The following SLC4A4 variants were observed in gnomAD, a reference collection of about 807,000 sequenced individuals.
SLC4A4 encodes the protein electrogenic sodium bicarbonate cotransporter 1.
In SLC4A4, 27 loss-of-function variants were observed where a neutral mutation model predicts 111.5. The ratio of observed to expected loss-of-function variants is 0.24; its 90% CI spans 0.18 to 0.33. The LOEUF is 0.33. Ranked by LOEUF, SLC4A4 falls within the 10% of genes least tolerant of loss-of-function variation. The pLI, the probability that SLC4A4 is intolerant of heterozygous loss-of-function variation, is 1.00. For synonymous variants in SLC4A4, 443 were observed against 463.4 expected (o/e 0.96, Z 0.57); for missense variants, 909 against 1,315.5 (o/e 0.69, Z 4.78).
intron 18 of SLC4A4, among the ~76,000 whole-genome samples, chr4:71,535,098 G>A (rs1487463435): frequency 1.8e-4 from 27 of 152,024 alleles, no homozygotes; most frequent in Non-Finnish European, 1.5e-5. Flanking sequence ...ACAATAATAA[G>A]AGCTATTATT....
chr4:71,520,259 C>T (rs1732805383), intron 16 of SLC4A4, among the ~76,000 whole-genome samples: 1 of 152,148 alleles, frequency 6.6e-6, no homozygotes, highest in Non-Finnish European at 1.5e-5. Flanking sequence ...TCTCCTTTAG[C>T]TTACACAGTC....
In SLC4A4 at chr4:71,171,590, TC is replaced by T. The variant is rs1183409795; in HGVS notation, c.-1-64985del. 3.3e-5 allele frequency among the ~76,000 whole-genome samples: 5 copies of T among 152,358 alleles called. No individual in the cohort carries two copies. In the East Asian group the frequency reaches 5.8e-4, roughly 18 times the overall value. ...TTAATGATTGAATGCAGCATTGAATTCATTTGCTTAAACTTTTTTAGTATTA... is the reference window on the plus strand; with the variant it reads ...TTAATGATTGAATGCAGCATTGAATTATTTGCTTAAACTTTTTTAGTATTA... On this transcript the variant is annotated intron_variant, in intron 2 of 26. Coordinates refer to the SLC4A4 transcript ENST00000649996.
chr4:71,390,521 A>G (rs1051635998), intron 6 of SLC4A4, among the ~76,000 whole-genome samples: 1 of 152,124 alleles, frequency 6.6e-6, no homozygotes, highest in African/African-American at 2.4e-5. Context: ...TTTAATTAGA[A>G]TGGCAAACAG....
chr4:71,319,114 A>G (rs1025466766), intron 3 of SLC4A4, among the ~76,000 whole-genome samples: 5 of 152,026 alleles, frequency 3.3e-5, no homozygotes, highest in African/African-American at 4.8e-5. Context: ...ATGGATATCA[A>G]TAGGATCTGT....
At chr4:71,120,665 C>T (rs550106410) in intron 2 of SLC4A4, among the ~76,000 whole-genome samples, 4 of 152,278 alleles carry the variant, frequency 2.6e-5, no homozygotes, top group Admixed American at 2.0e-4. Flanking sequence ...GTCAGAAGTT[C>T]GAGACCAGCC....
intron 2 of SLC4A4, among the ~76,000 whole-genome samples, chr4:71,098,219 G>T (rs534034207): frequency 6.6e-6 from 1 of 152,226 alleles, no homozygotes; most frequent in South Asian, 2.1e-4. Context: ...TAAGGAAAGG[G>T]TCCAGTTTCA....
chr4:71,525,260 C>T (rs925098581), intron 16 of SLC4A4, among the ~76,000 whole-genome samples: 1 of 152,086 alleles, frequency 6.6e-6, no homozygotes, highest in Non-Finnish European at 1.5e-5. Flanking sequence ...AAGCTGCTGG[C>T]TTCTTATTAG....
intron 2 of SLC4A4, among the ~76,000 whole-genome samples, chr4:71,247,735 G>T (rs2045012): frequency 0.69 from 104,576 of 152,024 alleles, 39,897 homozygotes; most frequent in Non-Finnish European, 0.87. Context: ...GGTGGATTTT[G>T]TCTGACAGCA....
chr4:71,181,311 CAG>C (rs1389004996), intron 2 of SLC4A4, among the ~76,000 whole-genome samples: 1 of 152,070 alleles, frequency 6.6e-6, no homozygotes, highest in East Asian at 1.9e-4. Flanking sequence ...CACATGTATA[CAG>C]ATGTAACTAA....
intron 1 of SLC4A4, among the ~76,000 whole-genome samples, chr4:71,087,039 C>T (rs7674441): frequency 0.013 from 1,906 of 151,976 alleles, 71 homozygotes; most frequent in African/African-American, 0.043. Flanking sequence ...TGGTCCTGGA[C>T]TTTTTTTGGT....
At chr4:71,305,665 G>A (rs767552274) in intron 3 of SLC4A4, among the ~76,000 whole-genome samples, 16 of 152,062 alleles carry the variant, frequency 1.1e-4, no homozygotes, top group African/African-American at 2.4e-4. Context: ...TTTCACTTCC[G>A]TGTCCTCTGT....
At chr4:71,543,900 A>T (rs370486701) in intron 18 of SLC4A4, among the ~76,000 whole-genome samples, 56 of 151,792 alleles carry the variant, frequency 3.7e-4, no homozygotes, top group Non-Finnish European at 5.4e-4. Flanking sequence ...AAAGTGTTAC[A>T]TTTTTTTCAT....
chr4:71,450,370 A>T lies in SLC4A4; in HGVS notation c.1054-19A>T, dbSNP rs1400720311. 6.3e-7 allele frequency: 1 copy of T among 1,587,296 alleles called. No individual in the cohort carries two copies. The highest frequency in any genetic ancestry group is 1.1e-5 in the South Asian group (1 of 90,592). ...CAGAGTTATCTTTTTGGATGAGCAC[A>T]TCTTTTATTATTCTTTAGGTGTTCC... On this transcript the variant is annotated intron_variant, in intron 9 of 25. Coordinates refer to ENST00000264485, the MANE Select transcript of SLC4A4 (RefSeq NM_001098484.3).
chr4:71,086,087 T>C (rs1346544123), intron 1 of SLC4A4, among the ~76,000 whole-genome samples: 3 of 151,692 alleles, frequency 2.0e-5, no homozygotes, highest in Non-Finnish European at 4.4e-5. Flanking sequence ...CCTTGAGCAG[T>C]GGTTTGTAGT....
chr4:71,213,219 G>C (rs758302382), intron 1 of SLC4A4, among the ~76,000 whole-genome samples: 2 of 152,202 alleles, frequency 1.3e-5, no homozygotes, highest in Non-Finnish European at 2.9e-5. Flanking sequence ...TCAGAATTCT[G>C]TATTTTCCTG....
intron 3 of SLC4A4, among the ~76,000 whole-genome samples, chr4:71,273,631 G>A (rs1222743924): frequency 6.6e-6 from 1 of 151,686 alleles, no homozygotes; most frequent in African/African-American, 2.4e-5. Flanking sequence ...TTTGGGTAAA[G>A]CCGACTTGCT....
At chr4:71,332,445 C>CT (rs1217439953) in intron 3 of SLC4A4, among the ~76,000 whole-genome samples, 2,754 of 136,842 alleles carry the variant, frequency 0.02, 74 homozygotes, top group African/African-American at 0.048. Context: ...TGTGTATTTT[C>CT]TTTTTTTTTT....
intron 1 of SLC4A4, among the ~76,000 whole-genome samples, chr4:71,215,624 A>G (rs895105975): frequency 2.0e-4 from 31 of 152,124 alleles, no homozygotes; most frequent in Admixed American, 2.0e-4. Flanking sequence ...GTGAATTTCC[A>G]TCTCTTCCCT....
At chr4:71,214,555 T>C (rs1718313276) in intron 1 of SLC4A4, among the ~76,000 whole-genome samples, 1 of 152,198 alleles carries the variant, frequency 6.6e-6, no homozygotes, top group South Asian at 2.1e-4. Flanking sequence ...CCCATATCTT[T>C]ACTCTTGCGG....
Sources: allele counts gnomAD v4.1 joint callset (sites outside exome capture counted in the v4.1 genomes callset), GRCh38; gene constraint gnomAD v4.1.1; transcripts MANE v1.5; gene names NCBI Gene and HGNC (gene_info 2026-07-23, HGNC 2026-07-21).